FRMD6: variants seen among roughly 807,000 people sequenced by gnomAD.
The protein encoded by FRMD6 is FERM domain-containing protein 6.
FRMD6 carries 37 observed loss-of-function variants against 73.2 expected under a neutral mutation model. That is an observed-to-expected ratio of 0.51 (90% CI 0.39 to 0.66). The LOEUF (loss-of-function observed/expected upper bound fraction) is 0.66. Ranked by LOEUF, FRMD6 falls within the 30% of genes least tolerant of loss-of-function variation. The pLI is 0.00. For synonymous variants in FRMD6, 273 were observed against 282.2 expected (o/e 0.97, Z 0.33); for missense variants, 714 against 780.5 (o/e 0.91, Z 1.02).
chr14:51,674,473 T>G, intron 1 of FRMD6, among the ~76,000 whole-genome samples: 1 of 152,154 alleles, frequency 6.6e-6, no homozygotes, highest in South Asian at 2.1e-4. Context: ...CTCCTTGGGT[T>G]TCTCCAGGAT....
chr14:51,531,531 T>C (rs1235322514), intron 1 of FRMD6, among the ~76,000 whole-genome samples: 2 of 152,332 alleles, frequency 1.3e-5, no homozygotes, highest in East Asian at 3.9e-4. Flanking sequence ...ATTTGGTTAA[T>C]AGTACGGTGC....
chr14:51,467,027 C>T, the FRMD6 span, among the ~76,000 whole-genome samples: 9 of 151,644 alleles, frequency 5.9e-5, no homozygotes, highest in Admixed American at 5.9e-4. Context: ...GGGGATTTGG[C>T]AGGGTCATAG....
At chr14:51,595,533 T>A (rs1889663654) in intron 2 of FRMD6, among the ~76,000 whole-genome samples, 1 of 151,944 alleles carries the variant, frequency 6.6e-6, no homozygotes. Flanking sequence ...CTGGAGTGAG[T>A]GAAGTGTCAG....
intron 10 of FRMD6, among the ~76,000 whole-genome samples, chr14:51,717,655 G>A (rs551093250): frequency 6.6e-6 from 1 of 152,204 alleles, no homozygotes; most frequent in Admixed American, 6.5e-5. Flanking sequence ...GTTTCTCTGG[G>A]TCAACTTTGG....
chr14:51,406,994 G>C, the FRMD6 span, among the ~76,000 whole-genome samples: 3 of 152,148 alleles, frequency 2.0e-5, no homozygotes, highest in Admixed American at 2.0e-4. Flanking sequence ...ACTGTTACTA[G>C]TTCTAATTAT....
chr14:51,689,385 T>C (rs1048650023), intron 1 of FRMD6, among the ~76,000 whole-genome samples: 3 of 152,252 alleles, frequency 2.0e-5, no homozygotes, highest in African/African-American at 7.2e-5. Context: ...CATGTGGGAC[T>C]GAAAACTCCT....
At chr14:51,448,152 G>A in the FRMD6 span, among the ~76,000 whole-genome samples, 1 of 152,162 alleles carries the variant, frequency 6.6e-6, no homozygotes, top group African/African-American at 2.4e-5. Context: ...AATTCCTAAT[G>A]TTTGAGAAAT....
At chr14:51,435,757 A>G in the FRMD6 span, among the ~76,000 whole-genome samples, 3 of 152,300 alleles carry the variant, frequency 2.0e-5, no homozygotes, top group East Asian at 5.8e-4. Flanking sequence ...GATAGTTATT[A>G]TTTATTTAAT....
At chr14:51,565,221 A>G (rs888463074) in intron 1 of FRMD6, 1 of 152,250 alleles carries the variant, frequency 6.6e-6, no homozygotes. Context: ...AAGTCTGGCA[A>G]CTTTCAGAAC....
At chr14:51,520,801 A>G (rs1884915141) in intron 1 of FRMD6, among the ~76,000 whole-genome samples, 1 of 151,960 alleles carries the variant, frequency 6.6e-6, no homozygotes, top group Non-Finnish European at 1.5e-5. Flanking sequence ...CCCAGCTACT[A>G]CGGAGGCTGA....
the FRMD6 span, among the ~76,000 whole-genome samples, chr14:51,426,949 A>G: frequency 6.6e-6 from 1 of 152,226 alleles, no homozygotes; most frequent in Non-Finnish European, 1.5e-5. Context: ...AAATGACCAC[A>G]AGAAAATAGA....
At chr14:51,430,923 CAGA>C in the FRMD6 span, among the ~76,000 whole-genome samples, 1 of 152,202 alleles carries the variant, frequency 6.6e-6, no homozygotes, top group African/African-American at 2.4e-5. Flanking sequence ...CCGCTAAAGA[CAGA>C]AGAACTGAAA....
chr14:51,494,776 A>G (rs778904286), intron 1 of FRMD6, among the ~76,000 whole-genome samples: 3 of 152,178 alleles, frequency 2.0e-5, no homozygotes, highest in Admixed American at 2.0e-4. Flanking sequence ...TGAAGGTGAC[A>G]GCCGTAATAT....
chr14:51,662,061 T>A (rs952071700), intron 1 of FRMD6, among the ~76,000 whole-genome samples: 5 of 152,196 alleles, frequency 3.3e-5, no homozygotes, highest in African/African-American at 1.2e-4. Flanking sequence ...GAGAAACGGT[T>A]CTATGCAGTT....
intron 1 of FRMD6, among the ~76,000 whole-genome samples, chr14:51,507,869 A>T (rs1008432517): frequency 6.6e-6 from 1 of 152,154 alleles, no homozygotes; most frequent in African/African-American, 2.4e-5. Context: ...GGATGGCTTG[A>T]TCACACCTCT....
chr14:51,552,097 T>G (rs1360784697), intron 1 of FRMD6, among the ~76,000 whole-genome samples: 1 of 152,224 alleles, frequency 6.6e-6, no homozygotes, highest in Non-Finnish European at 1.5e-5. Context: ...CATATCCTAA[T>G]GTAATTTTTG....
chr14:51,457,453 C>T, the FRMD6 span, among the ~76,000 whole-genome samples: 3 of 152,084 alleles, frequency 2.0e-5, no homozygotes, highest in Admixed American at 6.6e-5. Context: ...TGGGAAGCTA[C>T]GAGTCCCTGT....
chr14:51,717,839 A>G (rs1897319026), intron 10 of FRMD6, among the ~76,000 whole-genome samples: 1 of 152,254 alleles, frequency 6.6e-6, no homozygotes, highest in Non-Finnish European at 1.5e-5. Flanking sequence ...GAAAATGATC[A>G]CAAGGATTTT....
chr14:51,726,707 G>A (rs192633918), intron 13 of FRMD6, among the ~76,000 whole-genome samples: 131 of 152,304 alleles, frequency 8.6e-4, no homozygotes, highest in African/African-American at 3.0e-3. Flanking sequence ...TACACTATGG[G>A]GAGAACTTTG....
Sources: allele counts gnomAD v4.1 joint callset (sites outside exome capture counted in the v4.1 genomes callset), GRCh38; gene constraint gnomAD v4.1.1; transcripts MANE v1.5; gene names NCBI Gene and HGNC (gene_info 2026-07-23, HGNC 2026-07-21).